Variants in EIF3E observed in about 807,000 individuals in gnomAD.
The protein encoded by EIF3E is eIF-3 p48.
Under a neutral mutation model 59.3 loss-of-function variants are expected in EIF3E, and 25 were observed. That is an observed-to-expected ratio of 0.42 (90% CI 0.31 to 0.59). The LOEUF is 0.59. EIF3E is among the 20% of genes least tolerant of loss of function. EIF3E has a pLI of 0.15. For missense variants in EIF3E, 317 were observed against 534.3 expected (o/e 0.59, Z 4.01); for synonymous variants, 176 against 170.2 (o/e 1.03, Z -0.26).
intron 5 of EIF3E, among the ~76,000 whole-genome samples, chr8:108,232,183 C>T (rs1815636714): frequency 6.6e-6 from 1 of 152,056 alleles, no homozygotes; most frequent in Admixed American, 6.6e-5. Context: ...CTATCTAAAT[C>T]AAAAGAAAAA....
At chr8:108,212,271 A>G (rs427145) in intron 10 of EIF3E, among the ~76,000 whole-genome samples, 120,214 of 152,138 alleles carry the variant, frequency 0.79, 48,330 homozygotes, top group African/African-American at 0.93. Flanking sequence ...ATATGATATT[A>G]CATTTGAAAA....
chr8:108,236,167 C>A lies in EIF3E; in HGVS notation c.360G>T (p.Lys120Asn). Residue 120 changes from lysine to asparagine, a missense_variant, in exon 4 of 13, where the codon AAG (lysine) becomes AAT (asparagine). By Grantham distance (94) the Lys-to-Asn change is moderately conservative. Coordinates refer to ENST00000220849, the MANE Select transcript of EIF3E (RefSeq NM_001568.3). Reference protein sequence around the residue: ...GRMLFDYLADKHGFRQEYLDT... With the variant: ...GRMLFDYLADNHGFRQEYLDT... Reference sequence around the variant, plus strand: ...ATATTTTTAAAACACTTACACCATGCTTGTCCGCCAGGTAGTCAAAGAGCA... The same window carrying A: ...ATATTTTTAAAACACTTACACCATGATTGTCCGCCAGGTAGTCAAAGAGCA... 6.2e-7 allele frequency: 1 copy of A among 1,610,338 alleles called. No homozygotes were observed. The highest frequency in any genetic ancestry group is 8.5e-7 in the Non-Finnish European group (1 of 1,178,450).
rs986361178 is a variant in EIF3E, at chr8:108,223,439, A to G, written c.722+4828T>C. Among the ~76,000 whole-genome samples, 34 of 152,234 alleles carry G rather than the reference A, an allele frequency of 2.2e-4. 1 individual carries two copies. The highest frequency in any genetic ancestry group is 8.0e-4 in the African/African-American group (33 of 41,456). On this transcript the variant is annotated intron_variant, in intron 7 of 12. Transcript: ENST00000220849. ...GTTTTTTTTACCAGGAACTAATTAG[A>G]AAATATAAGGAAAATAACAGCAGGA...
At chr8:108,233,338 ATC>A (rs1815658525) in intron 5 of EIF3E, 1 of 152,208 alleles carries the variant, frequency 6.6e-6, no homozygotes, top group African/African-American at 2.4e-5. Flanking sequence ...AGTAATACTA[ATC>A]TCTCCCTCCC....
In EIF3E at chr8:108,242,521, G is replaced by C. The variant is rs1815857708; in HGVS notation, c.91-608C>G. 14 of 1,174,862 alleles carry C rather than the reference G, an allele frequency of 1.2e-5. No individual in the cohort carries two copies. The South Asian group carries it at 2.4e-4, about 20-fold the overall frequency. The allele number at this position is 1,174,862 out of a possible 1,614,324, so 72.8% of individuals were successfully genotyped here. On this transcript the variant is annotated intron_variant, in intron 1 of 12. Coordinates refer to ENST00000220849, the MANE Select transcript of EIF3E (RefSeq NM_001568.3). The stretch of plus-strand genomic sequence containing the variant: ...AGATTCTACAAAATATTCACGGACA[G>C]AAATGCTTCAGCAAAAGAAAAGATT...
At chr8:108,222,828 G>GT (rs11320166) in intron 7 of EIF3E, among the ~76,000 whole-genome samples, 119 of 134,286 alleles carry the variant, frequency 8.9e-4, no homozygotes, top group Middle Eastern at 8.1e-3. Context: ...AATTTTCTTA[G>GT]TTTTTTTTTT....
At chr8:108,222,733 C>A (rs1404812087) in intron 7 of EIF3E, among the ~76,000 whole-genome samples, 3 of 151,982 alleles carry the variant, frequency 2.0e-5, no homozygotes, top group Non-Finnish European at 2.9e-5. Flanking sequence ...ACTTATTAGA[C>A]ATGCTCTTGT....
At chr8:108,223,279 G>A (rs1005241744) in intron 7 of EIF3E, among the ~76,000 whole-genome samples, 7 of 152,160 alleles carry the variant, frequency 4.6e-5, no homozygotes, top group African/African-American at 7.2e-5. Flanking sequence ...AAAAAGGGAA[G>A]TGCATTTCAT....
chr8:108,224,802 C>G (rs1364805476), intron 7 of EIF3E, among the ~76,000 whole-genome samples: 1 of 151,434 alleles, frequency 6.6e-6, no homozygotes, highest in Non-Finnish European at 1.5e-5. Flanking sequence ...AAACTATAAA[C>G]AAACAAATTC....
At chr8:108,219,559 G>A (rs1734292169) in intron 7 of EIF3E, among the ~76,000 whole-genome samples, 1 of 150,994 alleles carries the variant, frequency 6.6e-6, no homozygotes, top group African/African-American at 2.4e-5. Context: ...TCTGTAATGA[G>A]ATTTTACATA....
At chr8:108,232,760 CCTG>C (rs1266703979) in intron 5 of EIF3E, among the ~76,000 whole-genome samples, 1 of 152,134 alleles carries the variant, frequency 6.6e-6, no homozygotes, top group Admixed American at 6.5e-5. Context: ...TTCATACTAA[CCTG>C]CTTTCAAGGG....
intron 7 of EIF3E, among the ~76,000 whole-genome samples, chr8:108,223,052 T>C (rs1414344614): frequency 6.6e-6 from 1 of 152,164 alleles, no homozygotes; most frequent in Non-Finnish European, 1.5e-5. Context: ...TACTTAAGTA[T>C]CTACTATGTG....
intron 5 of EIF3E, 42 bp downstream of exon 5, chr8:108,234,956 A>C: frequency 7.7e-7 from 1 of 1,295,870 alleles, no homozygotes; most frequent in Non-Finnish European, 1.1e-6. Flanking sequence ...AATCCTACAA[A>C]AGACAAAAAA....
At chr8:108,230,502 T>A (rs1320625097) in intron 5 of EIF3E, among the ~76,000 whole-genome samples, 2 of 152,084 alleles carry the variant, frequency 1.3e-5, no homozygotes, top group Non-Finnish European at 2.9e-5. Flanking sequence ...TATGTAAATG[T>A]GTATACATAT....
chr8:108,244,660 T>C (rs1210592583), intron 1 of EIF3E, among the ~76,000 whole-genome samples: 1 of 152,172 alleles, frequency 6.6e-6, no homozygotes, highest in Non-Finnish European at 1.5e-5. Context: ...TTTCTAATTT[T>C]TGTAATACCC....
chr8:108,228,553 A>G (rs1236399603), intron 6 of EIF3E, among the ~76,000 whole-genome samples, 162 bp from the exon 7 acceptor site: 4 of 152,164 alleles, frequency 2.6e-5, no homozygotes, highest in Non-Finnish European at 4.4e-5. Context: ...CCTTCTCTCT[A>G]CATGATCCCT....
At chr8:108,227,540 A>C (rs904768442) in intron 7 of EIF3E, 2 of 152,244 alleles carry the variant, frequency 1.3e-5, no homozygotes, top group African/African-American at 4.8e-5. Context: ...GATTGTAAGA[A>C]TATGAATAGA....
chr8:108,219,237 A>G (rs1815361035), intron 7 of EIF3E, among the ~76,000 whole-genome samples: 1 of 152,182 alleles, frequency 6.6e-6, no homozygotes, highest in African/African-American at 2.4e-5. Context: ...CTCCATATAC[A>G]TCTTAATTAT....
rs1815124958 is a variant in EIF3E at position 108,207,443 on chromosome 8, T to A, written c.1062-3940A>T. ...GGCTAGGGAGAAATAAAACCAATTT[T>A]AAAAAGACAAAAAGTTGGCGTAACC... On this transcript the variant is annotated intron_variant, in intron 10 of 12. Transcript: ENST00000220849. 3.3e-5 allele frequency among the ~76,000 whole-genome samples: 5 copies of A among 152,124 alleles called. No homozygotes were observed. The South Asian group carries it at 8.3e-4, about 25-fold the overall frequency.
Sources: allele counts gnomAD v4.1 joint callset (sites outside exome capture counted in the v4.1 genomes callset), GRCh38; gene constraint gnomAD v4.1.1; transcripts MANE v1.5; gene names NCBI Gene and HGNC (gene_info 2026-07-23, HGNC 2026-07-21).